The following TEAD4 variants were observed in gnomAD, a reference collection of about 807,000 sequenced individuals.
TEAD4 encodes the protein TEA domain transcription factor 4.
A neutral mutation model predicts 52.4 loss-of-function variants in TEAD4; 36 were observed. The observed-to-expected ratio is 0.69, with a 90% CI of 0.53 to 0.91. The LOEUF is 0.91. TEAD4 is among the 40% of genes least tolerant of loss of function. The pLI is 0.00. For synonymous variants in TEAD4, 220 were observed against 231.0 expected (o/e 0.95, Z 0.43); for missense variants, 508 against 583.9 (o/e 0.87, Z 1.34).
chr12:3,021,911 C>G lies in TEAD4; in HGVS notation c.791C>G (p.Ala264Gly). 6.2e-7 allele frequency: 1 copy of G among 1,614,224 alleles called. No individual in the cohort carries two copies. The highest frequency in any genetic ancestry group is 8.5e-7 in the Non-Finnish European group (1 of 1,180,056). ...AGCTACAGCGACCCCTACCTCGAAG[C>G]CGTGGACATCCGCCAAATCTATGAC... The change falls in exon 10 of 13, where the codon GCC (alanine) becomes GGC (glycine). Residue 264 changes from alanine (A) to glycine (G), a missense_variant. Transcript: ENST00000359864.
chr12:2,969,737 G>A (rs1171205972), intron 2 of TEAD4, among the ~76,000 whole-genome samples: 1 of 152,206 alleles, frequency 6.6e-6, no homozygotes, highest in Non-Finnish European at 1.5e-5. Flanking sequence ...GGAGATGAGG[G>A]AATTATTGCG....
chr12:2,987,794 G>C (rs1005185311), intron 2 of TEAD4, among the ~76,000 whole-genome samples: 1 of 151,570 alleles, frequency 6.6e-6, no homozygotes, highest in East Asian at 2.0e-4. Flanking sequence ...GGCCGGGCAC[G>C]GTGGCTCACA....
intron 3 of TEAD4, among the ~76,000 whole-genome samples, chr12:3,004,254 G>C (rs1272226401): frequency 6.6e-6 from 1 of 152,224 alleles, no homozygotes; most frequent in African/African-American, 2.4e-5. Flanking sequence ...GCTCAGCCCT[G>C]TCGGGGGAGC....
intron 2 of TEAD4, among the ~76,000 whole-genome samples, chr12:2,963,512 G>C (rs1032879243): frequency 6.6e-6 from 1 of 152,220 alleles, no homozygotes; most frequent in Non-Finnish European, 1.5e-5. Context: ...TCCAGTAAAG[G>C]GGGGTGAGGG....
rs2098213860 is a variant in TEAD4 at position 2,959,888 on chromosome 12, C to T, written c.-122-60C>T. On this transcript the variant is annotated intron_variant, in intron 1 of 12. Coordinates refer to ENST00000359864, the MANE Select transcript of TEAD4 (RefSeq NM_003213.4). The surrounding 1 kb of genome is among the most constrained non-coding windows in gnomAD (Gnocchi z 5.1). ...GCCCCGCGGCCCCGCCTTCACTGCG[C>T]CGCCCGTCGGCCCCGGCCGGAGCCC... The T allele has an allele frequency of 6.6e-6, 1 of 151,866 alleles. No homozygotes were observed. The highest frequency in any genetic ancestry group is 6.6e-5 in the Admixed American group (1 of 15,242). 9.4% of individuals were successfully genotyped at this position (151,866 alleles called of 1,614,324 possible).
chr12:2,964,355 T>C lies in TEAD4; in HGVS notation c.-30+4315T>C, dbSNP rs114686734. Among the ~76,000 whole-genome samples, 878 of 152,298 alleles carry C rather than the reference T, an allele frequency of 5.8e-3. 12 individuals are homozygous for C. Among genetic ancestry groups the C allele is most frequent in the African/African-American group, 0.02 (845 of 41,580 alleles). On this transcript the variant is annotated intron_variant, in intron 2 of 12. Coordinates refer to ENST00000359864, the MANE Select transcript of TEAD4 (RefSeq NM_003213.4). The stretch of plus-strand genomic sequence containing the variant: ...CTGGTCTCCACCTTGGCTGTGAGCC[T>C]TGGGCAGTTGTGGCTGGAACGGCGA...
chr12:3,031,085 A>G (rs2098275200), intron 10 of TEAD4, among the ~76,000 whole-genome samples: 1 of 152,098 alleles, frequency 6.6e-6, no homozygotes, highest in South Asian at 2.1e-4. Context: ...ACTTTTTCTC[A>G]GGAGGGGCTT....
chr12:3,010,801 C>T (rs906154045), intron 3 of TEAD4, among the ~76,000 whole-genome samples: 1 of 152,166 alleles, frequency 6.6e-6, no homozygotes, highest in Admixed American at 6.5e-5. Context: ...TTTCAGTCCC[C>T]ACAGTGAGGC....
At chr12:3,020,529 C>G (rs1347380788) in intron 8 of TEAD4, 105 bp from the exon 9 acceptor site, 1 of 1,348,950 alleles carries the variant, frequency 7.4e-7, no homozygotes, top group African/African-American at 1.5e-5. Flanking sequence ...GGCGGTCCCC[C>G]CAGGCAGCAC....
intron 2 of TEAD4, among the ~76,000 whole-genome samples, chr12:2,990,584 G>T (rs376312215): frequency 1.1e-4 from 16 of 142,266 alleles, no homozygotes; most frequent in Middle Eastern, 3.9e-3. Flanking sequence ...TCTTGCTTCA[G>T]CCTCCCGAGT....
intron 2 of TEAD4, among the ~76,000 whole-genome samples, chr12:2,961,166 T>C (rs1167613321): frequency 6.6e-6 from 1 of 152,092 alleles, no homozygotes; most frequent in Non-Finnish European, 1.5e-5. Flanking sequence ...GTGTAAATAG[T>C]GCTTTTAAGT....
rs756562199 is a variant in TEAD4 at position 3,011,058 on chromosome 12, C to G, written c.281C>G (p.Thr94Ser). ...AAGCTCCGGACAGGGAAGACCCGCA[C>G]CAGGAAGCAGGTGGGCCTCAAGAGA... is the stretch of plus-strand genomic sequence containing the variant. Residue 94 changes from threonine to serine, a missense_variant, in exon 4 of 13, where the codon ACC becomes AGC. Thr to Ser is a moderately conservative substitution (Grantham distance 58). Coordinates refer to ENST00000359864, the MANE Select transcript of TEAD4 (RefSeq NM_003213.4). The G allele has an allele frequency of 6.2e-6, 10 of 1,614,100 alleles. No homozygotes were observed. The South Asian group carries it at 1.1e-4, about 18-fold the overall frequency.
chr12:3,018,853 G>C (rs1190685216), intron 7 of TEAD4, among the ~76,000 whole-genome samples: 2 of 152,156 alleles, frequency 1.3e-5, no homozygotes, highest in Non-Finnish European at 2.9e-5. Context: ...GGTCCCCCAG[G>C]GGAGGAGGCT....
At chr12:3,002,858 C>T (rs1285825413) in intron 3 of TEAD4, among the ~76,000 whole-genome samples, 1 of 152,138 alleles carries the variant, frequency 6.6e-6, no homozygotes, top group East Asian at 1.9e-4. Context: ...TGAAGCCTGG[C>T]TGATTTCACC....
At chr12:2,975,369 ATTATTATTATTAT>A (rs2098228760) in intron 2 of TEAD4, among the ~76,000 whole-genome samples, 1 of 8,354 alleles carries the variant, frequency 1.2e-4, no homozygotes, top group South Asian at 6.7e-3. Flanking sequence ...TATTATTATT[ATTATTATTATTAT>A]TATTATTATT....
At chr12:2,960,802 C>T (rs906631864) in intron 2 of TEAD4, among the ~76,000 whole-genome samples, 1 of 152,194 alleles carries the variant, frequency 6.6e-6, no homozygotes, top group Admixed American at 6.5e-5. Flanking sequence ...GATGTTGGTT[C>T]TGGCTAGGAC....
At chr12:2,982,506 G>A (rs562868148) in intron 2 of TEAD4, among the ~76,000 whole-genome samples, 9 of 152,284 alleles carry the variant, frequency 5.9e-5, no homozygotes, top group African/African-American at 2.2e-4. Context: ...GGGTCACTGT[G>A]GTGCACTTGG....
At chr12:2,975,637 C>A (rs1177497450) in intron 2 of TEAD4, among the ~76,000 whole-genome samples, 19 of 152,112 alleles carry the variant, frequency 1.2e-4, no homozygotes, top group Non-Finnish European at 2.1e-4. Context: ...ATCTGCCCAC[C>A]TCGGCCTCCC....
At chr12:2,963,435 C>T (rs560599356) in intron 2 of TEAD4, among the ~76,000 whole-genome samples, 1 of 152,266 alleles carries the variant, frequency 6.6e-6, no homozygotes, top group Admixed American at 6.5e-5. Flanking sequence ...CCCCCATGAC[C>T]CTTTGTTGGC....
Sources: allele counts gnomAD v4.1 joint callset (sites outside exome capture counted in the v4.1 genomes callset), GRCh38; gene constraint gnomAD v4.1.1; non-coding constraint Gnocchi (gnomAD v3.1); transcripts MANE v1.5; gene names NCBI Gene and HGNC (gene_info 2026-07-23, HGNC 2026-07-21).